The following ADCY9 variants were observed in gnomAD, a reference collection of about 807,000 sequenced individuals.
The protein encoded by ADCY9 is adenylate cyclase 9.
In ADCY9, 50 loss-of-function variants were observed where a neutral mutation model predicts 101.5. That is an observed-to-expected ratio of 0.49 (90% CI 0.39 to 0.62). The LOEUF is 0.62. Ranked by LOEUF, ADCY9 falls within the 20% of genes least tolerant of loss-of-function variation. The probability of loss-of-function intolerance (pLI) is 0.00; values close to 1 mark genes in which losing one functional copy is unlikely to be tolerated. For synonymous variants in ADCY9, 905 were observed against 769.3 expected (o/e 1.18, Z -2.92); for missense variants, 1,662 against 1,800.4 (o/e 0.92, Z 1.39).
Position 3,983,243 on chromosome 16 carries a change from C to T in ADCY9, c.2508G>A (p.Ala836=), listed in dbSNP as rs151221211. Residue 836 remains alanine (A), a synonymous_variant, in exon 7 of 11, where the codon GCG becomes GCA. Coordinates refer to ENST00000294016, the MANE Select transcript of ADCY9 (RefSeq NM_001116.4). Reference sequence around the variant, plus strand: ...CACGCGGCGCTTACCTGATGGACACCGCGAGGGACAGCACCTCCAGCAGCA... The same window carrying T: ...CACGCGGCGCTTACCTGATGGACACTGCGAGGGACAGCACCTCCAGCAGCA... The part of the protein sequence containing the change: ...AALLLEVLSL[A]VSIRMVFFLE... 4.5e-4 allele frequency: 691 copies of T among 1,550,498 alleles called. 1 individual carries two copies. The highest frequency in any genetic ancestry group is 5.5e-4 in the Non-Finnish European group (631 of 1,146,910).
chr16:4,002,952 G>A (rs144997327), intron 3 of ADCY9, among the ~76,000 whole-genome samples: 2 of 152,212 alleles, frequency 1.3e-5, no homozygotes, highest in African/African-American at 2.4e-5. Context: ...CTGACCGCAG[G>A]TGATCTCTCT....
intron 2 of ADCY9, among the ~76,000 whole-genome samples, chr16:4,015,361 C>G (rs543111510): frequency 6.6e-6 from 1 of 152,082 alleles, no homozygotes; most frequent in Non-Finnish European, 1.5e-5. Flanking sequence ...CGCCTCCCAC[C>G]TCTAAGAAAC....
At chr16:3,953,907 G>A (rs1356458901) in intron 5 of ADCY9, among the ~76,000 whole-genome samples, 2 of 152,192 alleles carry the variant, frequency 1.3e-5, no homozygotes, top group East Asian at 1.9e-4. Context: ...CAGCTCTTAC[G>A]CCTCCCAGAA....
intron 2 of ADCY9, among the ~76,000 whole-genome samples, chr16:4,096,397 C>T (rs2057004335): frequency 6.6e-6 from 1 of 152,064 alleles, no homozygotes; most frequent in Non-Finnish European, 1.5e-5. Context: ...AATTATTTGC[C>T]CAAAAGTGCT....
At chr16:3,967,358 A>G (rs2056008636) in intron 10 of ADCY9, among the ~76,000 whole-genome samples, 1 of 147,004 alleles carries the variant, frequency 6.8e-6, no homozygotes, top group Non-Finnish European at 1.5e-5. Flanking sequence ...CTTTTTTTTT[A>G]GAAGTCTTTA....
intron 2 of ADCY9, among the ~76,000 whole-genome samples, chr16:4,092,956 GA>G (rs1694839877): frequency 6.6e-6 from 1 of 152,082 alleles, no homozygotes; most frequent in Non-Finnish European, 1.5e-5. Flanking sequence ...GTAAGAACTG[GA>G]AAAACAGAAT....
intron 10 of ADCY9, among the ~76,000 whole-genome samples, chr16:3,970,502 T>A (rs530152121): frequency 1.3e-5 from 2 of 152,180 alleles, no homozygotes; most frequent in East Asian, 3.9e-4. Flanking sequence ...AATTTTTGTA[T>A]TTTTTAGTAG....
rs148729420 is a variant in ADCY9 at position 3,965,947 on chromosome 16, C to G, written c.3890G>C (p.Ser1297Thr). Residue 1297 changes from serine to threonine, a missense_variant, in exon 11 of 11, where the codon AGC (serine) becomes ACC (threonine). By Grantham distance (58) the Ser-to-Thr change is moderately conservative (BLOSUM62 1). Coordinates refer to ENST00000294016, the MANE Select transcript of ADCY9 (RefSeq NM_001116.4). ...GTGGGCATCCTTGGCCTGCGTGCTG[C>G]TGTCAGAACCCAGAGATGTCTTGTC... ...YVDKTSLGSD[S>T]STQAKDAHLS... 1.2e-6 allele frequency: 2 copies of G among 1,614,204 alleles called. No homozygotes were observed. Among genetic ancestry groups the G allele is most frequent in the African/African-American group, 2.7e-5 (2 of 75,054 alleles).
At chr16:4,104,913 C>T (rs150486794) in intron 2 of ADCY9, among the ~76,000 whole-genome samples, 4,623 of 150,894 alleles carry the variant, frequency 0.031, 181 homozygotes, top group East Asian at 0.19. Flanking sequence ...ACTAAAAATA[C>T]AAAAAATTAG....
rs112814893 is a variant in ADCY9 at position 4,027,653 on chromosome 16, T to G, written c.1694-20095A>C. On this transcript the variant is annotated intron_variant, in intron 2 of 10. Transcript: ENST00000294016. ...GCACTGTGGGAGGCCGAGGTGGGCA[T>G]ATCACCTGAGCTCAAGAGTTCGAGA... is the stretch of plus-strand genomic sequence containing the variant. Among the ~76,000 whole-genome samples, 45 of 152,118 alleles carry G rather than the reference T, an allele frequency of 3.0e-4. 2 individuals carry two copies. In the South Asian group the frequency reaches 6.2e-3, roughly 21 times the overall value.
At chr16:4,068,058 C>A (rs1482546826) in intron 2 of ADCY9, among the ~76,000 whole-genome samples, 6 of 151,804 alleles carry the variant, frequency 4.0e-5, no homozygotes, top group African/African-American at 1.2e-4. Context: ...AAAACAAAGT[C>A]TTTTAATAAT....
chr16:4,093,262 C>T (rs1228983494), intron 2 of ADCY9, among the ~76,000 whole-genome samples: 1 of 152,200 alleles, frequency 6.6e-6, no homozygotes, highest in Non-Finnish European at 1.5e-5. Flanking sequence ...AACAACATGG[C>T]AAATGAGGTT....
chr16:3,963,512 C>T lies in ADCY9; in HGVS notation c.*2263G>A, dbSNP rs769153312. On this transcript the variant is annotated 3_prime_UTR_variant, in exon 11 of 11. Transcript: ENST00000294016. ...AAGGCTCAGGGTGTTTGAAAGACAACGTTAAGCTCTGGGTGAGTCTGCACG... is the reference window on the plus strand; with the variant it reads ...AAGGCTCAGGGTGTTTGAAAGACAATGTTAAGCTCTGGGTGAGTCTGCACG... 32 of 387,318 alleles carry T rather than the reference C, an allele frequency of 8.3e-5. No individual in the cohort carries two copies. Among genetic ancestry groups the T allele is most frequent in the Non-Finnish European group, 1.2e-4 (26 of 219,258 alleles). The allele number at this position is 387,318 out of a possible 1,614,324, so 24.0% of individuals were successfully genotyped here. A position where few individuals can be genotyped will look rare whatever the true frequency, so the allele number is the denominator to read the frequency against.
At position 4,071,348 on chromosome 16, in the gene ADCY9, A is replaced by T. The variant is rs1489643092; in HGVS notation, c.1693+42402T>A. On this transcript the variant is annotated intron_variant, in intron 2 of 10. Coordinates refer to ENST00000294016, the MANE Select transcript of ADCY9 (RefSeq NM_001116.4). The stretch of plus-strand genomic sequence containing the variant: ...CTCAGTCTCCAAAAAAAAAAAAAAA[A>T]AAAAAAAAAAAAAAAATCAAAAAAG... Among the ~76,000 whole-genome samples, 468 of 150,086 alleles carry T rather than the reference A, an allele frequency of 3.1e-3. 1 individual carries two copies. Among genetic ancestry groups the T allele is most frequent in the African/African-American group, 0.011 (436 of 40,998 alleles).
intron 7 of ADCY9, 39 bp from the exon 8 acceptor site, chr16:3,979,314 C>T (rs1256477657): frequency 8.7e-6 from 14 of 1,606,950 alleles, no homozygotes; most frequent in South Asian, 4.4e-5. Flanking sequence ...CGACGGGGCC[C>T]GGGGTGGGTC....
At chr16:4,087,444 G>A (rs1048503654) in intron 2 of ADCY9, among the ~76,000 whole-genome samples, 1 of 150,584 alleles carries the variant, frequency 6.6e-6, no homozygotes, top group African/African-American at 2.4e-5. Flanking sequence ...GCCGAGACAT[G>A]AGAATTGTTT....
chr16:3,986,340 G>A, intron 6 of ADCY9, among the ~76,000 whole-genome samples: 1 of 152,130 alleles, frequency 6.6e-6, no homozygotes. Flanking sequence ...TCCCCACCGG[G>A]ACCCTGTGGC....
intron 2 of ADCY9, among the ~76,000 whole-genome samples, chr16:4,068,741 C>T (rs1368085147): frequency 6.6e-6 from 1 of 151,094 alleles, no homozygotes; most frequent in African/African-American, 2.4e-5. Context: ...GGTGTGAACC[C>T]AGGAGGCGGA....
intron 2 of ADCY9, among the ~76,000 whole-genome samples, chr16:4,057,777 G>A (rs1398572587): frequency 6.6e-6 from 1 of 152,144 alleles, no homozygotes; most frequent in African/African-American, 2.4e-5. Flanking sequence ...CTCGATGTGT[G>A]AGCACTGTGG....
Sources: allele counts gnomAD v4.1 joint callset (sites outside exome capture counted in the v4.1 genomes callset), GRCh38; gene constraint gnomAD v4.1.1; transcripts MANE v1.5; gene names NCBI Gene and HGNC (gene_info 2026-07-23, HGNC 2026-07-21).